The following PKHD1 variants were observed in gnomAD, a reference collection of about 807,000 sequenced individuals.
PKHD1 encodes PKHD1 ciliary IPT domain containing fibrocystin/polyductin.
Under a neutral mutation model 412.0 loss-of-function variants are expected in PKHD1, and 291 were observed. That is an observed-to-expected ratio of 0.71 (90% CI 0.64 to 0.78). PKHD1 has a LOEUF of 0.78. Among genes scored for constraint, PKHD1 ranks in the 30% least tolerant of loss-of-function variants. The pLI is 0.00. For missense variants in PKHD1, 4,825 were observed against 4,950.7 expected (o/e 0.97, Z 0.76); for synonymous variants, 1,777 against 1,821.5 (o/e 0.98, Z 0.62).
chr6:51,847,430 T>C (rs1771389298), intron 50 of PKHD1, among the ~76,000 whole-genome samples: 1 of 152,154 alleles, frequency 6.6e-6, no homozygotes, highest in Non-Finnish European at 1.5e-5. Context: ...TAGTACTAAC[T>C]ACCAATGTCT....
At chr6:51,827,641 A>C (rs1403391449) in intron 52 of PKHD1, among the ~76,000 whole-genome samples, 2 of 152,106 alleles carry the variant, frequency 1.3e-5, no homozygotes, top group African/African-American at 4.8e-5. Flanking sequence ...TTTACCCTAG[A>C]GACACTATGA....
In PKHD1 at chr6:52,067,888, C is replaced by T. The variant is rs139256567; in HGVS notation, c.778+1569G>A. The stretch of plus-strand genomic sequence containing the variant: ...GAAGGAACCATGCATCAGATATATG[C>T]TTGATGTAGAGAAAGCCAGGGAGGG... On this transcript the variant is annotated intron_variant, in intron 11 of 66. Transcript: ENST00000371117. Among the ~76,000 whole-genome samples, 20 of 152,202 alleles carry T rather than the reference C, an allele frequency of 1.3e-4. 1 individual carries two copies. The highest frequency in any genetic ancestry group is 3.4e-3 in the Middle Eastern group (1 of 294).
chr6:52,058,573 G>A lies in PKHD1; in HGVS notation c.1262C>T (p.Thr421Ile). The A allele has an allele frequency of 1.2e-6, 2 of 1,614,158 alleles. No individual in the cohort carries two copies. The highest frequency in any genetic ancestry group is 1.7e-6 in the Non-Finnish European group (2 of 1,180,020). The change falls in exon 16 of 67, where the codon ACT (threonine) becomes ATT (isoleucine). Residue 421 changes from threonine (T) to isoleucine (I), a missense_variant. Physicochemically the swap from Thr to Ile is moderately conservative, Grantham distance 89 (BLOSUM62 -1). Transcript: ENST00000371117. ...CTCCCAGGAGTCAAACCAGTCAGCA[G>A]TGCCGACGCTGATGGAGGCCACTTT... is the stretch of plus-strand genomic sequence containing the variant. Reference protein sequence around the residue: ...KVKVASISVGTADWFDSWEQN... With the variant: ...KVKVASISVGIADWFDSWEQN...
chr6:51,798,701 A>G (rs1420449958), intron 52 of PKHD1, among the ~76,000 whole-genome samples: 2 of 152,154 alleles, frequency 1.3e-5, no homozygotes, highest in Non-Finnish European at 2.9e-5. Context: ...TTCCTGGACG[A>G]TATCCTAAAA....
At chr6:51,793,588 T>A (rs759852065) in intron 52 of PKHD1, among the ~76,000 whole-genome samples, 1 of 152,180 alleles carries the variant, frequency 6.6e-6, no homozygotes, top group Non-Finnish European at 1.5e-5. Flanking sequence ...ATCACTTAGC[T>A]CCCACTTACA....
chr6:51,660,745 C>T (rs895531799), intron 60 of PKHD1, among the ~76,000 whole-genome samples: 1 of 152,158 alleles, frequency 6.6e-6, no homozygotes, highest in Non-Finnish European at 1.5e-5. Flanking sequence ...GGGCATGGAG[C>T]TTCCATGCCC....
intron 60 of PKHD1, among the ~76,000 whole-genome samples, chr6:51,709,201 C>CA (rs1780359051): frequency 6.6e-6 from 1 of 152,156 alleles, no homozygotes; most frequent in South Asian, 2.1e-4. Context: ...ACCATGTTCA[C>CA]CTTTATCACA....
chr6:52,010,586 CA>C, intron 34 of PKHD1, 127 bp from the exon 35 acceptor site: 1 of 764,166 alleles, frequency 1.3e-6, no homozygotes, highest in Non-Finnish European at 2.3e-6. Context: ...TCAAATTTTG[CA>C]AATTTCTGTA....
intron 35 of PKHD1, among the ~76,000 whole-genome samples, chr6:51,997,682 A>C (rs1053465360): frequency 2.0e-5 from 3 of 152,248 alleles, no homozygotes; most frequent in Admixed American, 2.0e-4. Context: ...CATTACAAAG[A>C]AAGTGATTAA....
intron 52 of PKHD1, among the ~76,000 whole-genome samples, chr6:51,814,589 G>C (rs1765167859): frequency 6.6e-6 from 1 of 152,286 alleles, no homozygotes; most frequent in African/African-American, 2.4e-5. Flanking sequence ...TGAGCCACAG[G>C]AGGCCTGCAG....
chr6:51,894,367 G>T (rs1203075556), intron 43 of PKHD1, among the ~76,000 whole-genome samples: 1 of 152,222 alleles, frequency 6.6e-6, no homozygotes. Context: ...CTCAGGTTTT[G>T]CTTCTCAGTG....
At chr6:51,971,680 G>T (rs1241305904) in intron 35 of PKHD1, among the ~76,000 whole-genome samples, 1 of 151,016 alleles carries the variant, frequency 6.6e-6, no homozygotes, top group East Asian at 1.9e-4. Context: ...GAAGTTTTTT[G>T]TTTGTTTTTT....
At chr6:52,083,132 T>C in intron 3 of PKHD1, 46 bp downstream of exon 3, 4 of 1,205,014 alleles carry the variant, frequency 3.3e-6, no homozygotes, top group Non-Finnish European at 3.7e-6. Context: ...TTTAGGATTG[T>C]GGGTCAATAC....
intron 36 of PKHD1, among the ~76,000 whole-genome samples, chr6:51,945,865 C>G (rs1789380381): frequency 6.6e-6 from 1 of 152,200 alleles, no homozygotes; most frequent in Non-Finnish European, 1.5e-5. Context: ...AGATCCTATC[C>G]ATTTGCACAA....
chr6:51,837,486 C>T (rs769279131), intron 50 of PKHD1, among the ~76,000 whole-genome samples: 2 of 152,098 alleles, frequency 1.3e-5, no homozygotes, highest in Non-Finnish European at 2.9e-5. Context: ...GTGGGTGGAT[C>T]ACTTGAGGTC....
intron 52 of PKHD1, among the ~76,000 whole-genome samples, chr6:51,808,654 C>T (rs1764214711): frequency 6.6e-6 from 1 of 152,000 alleles, no homozygotes; most frequent in African/African-American, 2.4e-5. Flanking sequence ...CTTATTTGAC[C>T]TGGCTTTGAC....
chr6:51,753,518 G>T (rs944711030), intron 56 of PKHD1, among the ~76,000 whole-genome samples, 165 bp from the exon 57 acceptor site: 1 of 152,204 alleles, frequency 6.6e-6, no homozygotes, highest in African/African-American at 2.4e-5. Context: ...AAGGTCAGCT[G>T]AGAAATAAAA....
intron 52 of PKHD1, among the ~76,000 whole-genome samples, chr6:51,794,325 G>T (rs576776042): frequency 6.6e-6 from 1 of 152,194 alleles, no homozygotes; most frequent in South Asian, 2.1e-4. Flanking sequence ...CTGCGTGTAT[G>T]TCTTCTTTTG....
intron 63 of PKHD1, among the ~76,000 whole-genome samples, chr6:51,642,589 C>T (rs188022113): frequency 1.0e-3 from 154 of 152,176 alleles, no homozygotes; most frequent in East Asian, 4.6e-3. Flanking sequence ...CCTGTAATCC[C>T]GACACTTTGG....
Sources: gnomAD v4.1 joint callset for allele counts (sites outside exome capture counted in the v4.1 genomes callset) on GRCh38, gnomAD v4.1.1 for gene constraint, MANE v1.5 for transcripts, NCBI Gene and HGNC (gene_info 2026-07-23, HGNC 2026-07-21) for gene names.